The following PDS5A variants were observed in gnomAD, a reference collection of about 807,000 sequenced individuals.
The protein encoded by PDS5A is PDS5 cohesin associated factor A.
Under a neutral mutation model 167.1 loss-of-function variants are expected in PDS5A, and 42 were observed. The observed-to-expected ratio is 0.25, with a 90% CI of 0.20 to 0.33. PDS5A has a LOEUF of 0.33. Among genes scored for constraint, PDS5A ranks in the 10% least tolerant of loss-of-function variants. The pLI is 1.00. For missense variants in PDS5A, 1,033 were observed against 1,605.9 expected (o/e 0.64, Z 6.10); for synonymous variants, 553 against 554.6 (o/e 1.00, Z 0.04).
chr4:39,976,541 G>C lies in PDS5A; in HGVS notation c.37C>G (p.Leu13Val), dbSNP rs775555695. The C allele has an allele frequency of 1.9e-6, 3 of 1,613,274 alleles. No homozygotes were observed. Among genetic ancestry groups the C allele is most frequent in the South Asian group, 2.2e-5 (2 of 91,036 alleles). ...FTAQPKPATA[L>V]CGVVSADGKI... ...CCGTCGGCACTCACGACGCCACAGA[G>C]GGCAGTGGCAGGCTTGGGCTGCGCG... Residue 13 changes from leucine to valine, a missense_variant, in exon 2 of 33, where the codon CTC becomes GTC. By Grantham distance (32) the Leu-to-Val change is conservative. This residue lies in a region of PDS5A where 388 missense variants were observed against 615.1 expected (regional missense o/e 0.63). Coordinates refer to ENST00000303538, the MANE Select transcript of PDS5A (RefSeq NM_001100399.2).
At chr4:39,937,361 C>G (rs1372805251) in intron 2 of PDS5A, among the ~76,000 whole-genome samples, 1 of 151,980 alleles carries the variant, frequency 6.6e-6, no homozygotes, top group Non-Finnish European at 1.5e-5. Context: ...TTAAATATGT[C>G]CAAATTATTG....
intron 18 of PDS5A, among the ~76,000 whole-genome samples, chr4:39,879,076 TC>T (rs1720722282): frequency 6.6e-6 from 1 of 152,122 alleles, no homozygotes. Flanking sequence ...TGGAATATGA[TC>T]CCATCATTCT....
At chr4:39,873,672 A>G (rs1267580059) in intron 20 of PDS5A, among the ~76,000 whole-genome samples, 1 of 152,230 alleles carries the variant, frequency 6.6e-6, no homozygotes, top group African/African-American at 2.4e-5. Flanking sequence ...TGGATTGTTC[A>G]AAATTATCTA....
chr4:39,890,294 A>G lies in PDS5A; in HGVS notation c.1841T>C (p.Leu614Pro). 1.3e-6 allele frequency: 2 copies of G among 1,584,032 alleles called. No homozygotes were observed. Among genetic ancestry groups the G allele is most frequent in the Non-Finnish European group, 1.7e-6 (2 of 1,163,492 alleles). Residue 614 changes from leucine (L) to proline (P), a missense_variant, in exon 17 of 33, where the codon CTG becomes CCG. By Grantham distance (98) the Leu-to-Pro change is moderately conservative (BLOSUM62 -3). Around this residue, in one of 4 missense-constraint regions of PDS5A, gnomAD observed 367 missense variants for 686.7 expected, o/e 0.53. Transcript: ENST00000303538. ...GTGCACAGGTGCGATTCTTTCCAAC[A>G]GAAATTTGACCATCTCTAGAAAAGG... ...TNPFLEMVKF[L>P]LERIAPVHID...
intron 32 of PDS5A, among the ~76,000 whole-genome samples, chr4:39,827,435 A>G (rs1019126353): frequency 6.6e-5 from 10 of 152,212 alleles, no homozygotes; most frequent in African/African-American, 1.4e-4. Context: ...ACTTGATTCT[A>G]TGTACCAAGA....
At chr4:39,944,522 G>A (rs1326446389) in intron 2 of PDS5A, among the ~76,000 whole-genome samples, 2 of 151,842 alleles carry the variant, frequency 1.3e-5, no homozygotes, top group African/African-American at 4.8e-5. Flanking sequence ...GAGAAAGCCC[G>A]TCTCTACTAA....
At chr4:39,869,721 A>G (rs1168352764) in intron 21 of PDS5A, among the ~76,000 whole-genome samples, 1 of 152,168 alleles carries the variant, frequency 6.6e-6, no homozygotes, top group African/African-American at 2.4e-5. Flanking sequence ...GAACTCAGAA[A>G]ACCCTTGCAT....
intron 26 of PDS5A, among the ~76,000 whole-genome samples, chr4:39,857,002 T>C (rs1414765381): frequency 6.6e-6 from 1 of 152,138 alleles, no homozygotes; most frequent in East Asian, 1.9e-4. Flanking sequence ...AATTTGCTAC[T>C]ATTCAAACTA....
chr4:39,965,218 C>T (rs1254569911), intron 2 of PDS5A, among the ~76,000 whole-genome samples: 1 of 152,110 alleles, frequency 6.6e-6, no homozygotes, highest in African/African-American at 2.4e-5. Context: ...AACCCTTAGC[C>T]CAACTACTCT....
In PDS5A at chr4:39,869,132, A is replaced by G. The variant is rs576758675; in HGVS notation, c.2505+262T>C. On this transcript the variant is annotated intron_variant, in intron 22 of 32. Coordinates refer to ENST00000303538, the MANE Select transcript of PDS5A (RefSeq NM_001100399.2). ...CATTTTTTGCAATGGATTTTAAAAT[A>G]AAGTACCTCCTTAACAAATGCTTAT... 2.6e-5 allele frequency among the ~76,000 whole-genome samples: 4 copies of G among 152,340 alleles called. No homozygotes were observed. In the East Asian group the frequency reaches 7.7e-4, roughly 29 times the overall value.
At chr4:39,908,778 C>T (rs1723612938) in intron 10 of PDS5A, 3 of 441,330 alleles carry the variant, frequency 6.8e-6, no homozygotes, top group South Asian at 6.3e-5. Flanking sequence ...AATACCAGCA[C>T]TTTGGGAGGC....
At position 39,904,049 on chromosome 4, in the gene PDS5A, A is replaced by G. The variant is rs1723099542; in HGVS notation, c.1376T>C (p.Ile459Thr). 3 of 1,607,990 alleles carry G rather than the reference A, an allele frequency of 1.9e-6. No individual in the cohort carries two copies. Among genetic ancestry groups the G allele is most frequent in the Non-Finnish European group, 2.5e-6 (3 of 1,176,720 alleles). Residue 459 changes from isoleucine to threonine, a missense_variant, in exon 12 of 33, where the codon ATT (isoleucine) becomes ACT (threonine). Coordinates refer to ENST00000303538, the MANE Select transcript of PDS5A (RefSeq NM_001100399.2). ...AACATATTAAACTCACTTGTCGTCA[A>G]TGCTGTTCTGATAATAAATATGCAG... ...KLLHIYYQNS[I>T]DDKLLVEKIF...
chr4:39,890,514 CA>C (rs1207965045), intron 16 of PDS5A, 150 bp from the exon 17 acceptor site: 1 of 552,854 alleles, frequency 1.8e-6, no homozygotes, highest in Non-Finnish European at 3.2e-6. Context: ...ACACCCCGAG[CA>C]ATGACTGAAA....
At position 39,823,160 on chromosome 4, in the gene PDS5A, T is replaced by C. The variant is rs1255266126; in HGVS notation, c.*2325A>G. 1.3e-5 allele frequency: 2 copies of C among 152,624 alleles called. No individual in the cohort carries two copies. Among genetic ancestry groups the C allele is most frequent in the Non-Finnish European group, 2.9e-5 (2 of 68,042 alleles). 9.5% of individuals were successfully genotyped at this position (152,624 alleles called of 1,614,324 possible). A position where few individuals can be genotyped will look rare whatever the true frequency, so the allele number is the denominator to read the frequency against. ...AATATAAGTCTGCACTTTTGTGTTG[T>C]AGTTCTCTGAGATGTGAATACCAAA... On this transcript the variant is annotated 3_prime_UTR_variant, in exon 33 of 33. Transcript: ENST00000303538.
Position 39,893,436 on chromosome 4 carries a change from T to C in PDS5A, c.1771-3072A>G, listed in dbSNP as rs995734086. On this transcript the variant is annotated intron_variant, in intron 16 of 32. Transcript: ENST00000303538. ...AAGAGGGAAGAAAATATTAGATTTC[T>C]ATGCCTACTAACTCTCGTATCAAGT... is the stretch of plus-strand genomic sequence containing the variant. Among the ~76,000 whole-genome samples, 26 of 152,306 alleles carry C rather than the reference T, an allele frequency of 1.7e-4. 1 individual carries two copies. The highest frequency in any genetic ancestry group is 6.8e-3 in the Middle Eastern group (2 of 294).
intron 32 of PDS5A, among the ~76,000 whole-genome samples, chr4:39,836,424 C>T (rs1464165122): frequency 6.6e-6 from 1 of 152,016 alleles, no homozygotes; most frequent in Admixed American, 6.6e-5. Context: ...TTTCAGAATT[C>T]CGTAAATGCT....
At chr4:39,918,489 T>C (rs188351849) in intron 7 of PDS5A, among the ~76,000 whole-genome samples, 1 of 152,282 alleles carries the variant, frequency 6.6e-6, no homozygotes, top group African/African-American at 2.4e-5. Flanking sequence ...GGGGCAATTG[T>C]ATGCAACTGA....
At chr4:39,834,708 G>C (rs934091271) in intron 32 of PDS5A, among the ~76,000 whole-genome samples, 3 of 152,098 alleles carry the variant, frequency 2.0e-5, no homozygotes, top group African/African-American at 7.2e-5. Flanking sequence ...GAAGTTGATG[G>C]AGCTTATGTT....
At chr4:39,890,387 C>T (rs776991195) in intron 16 of PDS5A, 23 bp from the exon 17 acceptor site, 4 of 1,246,968 alleles carry the variant, frequency 3.2e-6, no homozygotes, top group Middle Eastern at 3.7e-4. Flanking sequence ...AGGAGTTTTA[C>T]CAAAAACGTG....
Sources: allele counts gnomAD v4.1 joint callset (sites outside exome capture counted in the v4.1 genomes callset), GRCh38; gene constraint gnomAD v4.1.1; regional missense constraint gnomAD v4.1.1; transcripts MANE v1.5; gene names NCBI Gene and HGNC (gene_info 2026-07-23, HGNC 2026-07-21).